Variants in NAV3 observed in about 807,000 individuals in gnomAD.
NAV3 encodes the protein neuron navigator 3, also known as pore membrane and/or filament interacting like protein 1.
Under a neutral mutation model 244.7 loss-of-function variants are expected in NAV3, and 87 were observed. The observed-to-expected ratio is 0.36, with a 90% CI of 0.30 to 0.42. NAV3 has a LOEUF of 0.42. Among genes scored for constraint, NAV3 ranks in the 20% least tolerant of loss-of-function variants. The pLI is 1.00. For missense variants in NAV3, 2,663 were observed against 2,893.3 expected (o/e 0.92, Z 1.83); for synonymous variants, 1,126 against 1,042.2 (o/e 1.08, Z -1.55).
At chr12:78,181,192 T>A in intron 30 of NAV3, 147 bp downstream of exon 30, 1 of 679,418 alleles carries the variant, frequency 1.5e-6, no homozygotes, top group Non-Finnish European at 2.3e-6. Context: ...ATAAATCTAG[T>A]CTACTTAGTT....
At chr12:77,701,639 G>A (rs1289701404) in intron 2 of NAV3, among the ~76,000 whole-genome samples, 1 of 151,642 alleles carries the variant, frequency 6.6e-6, no homozygotes, top group African/African-American at 2.4e-5. Flanking sequence ...TTCCATAAAC[G>A]CTATTTGAAC....
intron 25 of NAV3, 134 bp from the exon 26 acceptor site, chr12:78,176,305 T>G (rs1439823058): frequency 4.1e-6 from 3 of 728,714 alleles, no homozygotes; most frequent in Non-Finnish European, 6.3e-6. Context: ...AGGATTTTAC[T>G]GGAGTGCTTT....
chr12:77,860,733 T>C (rs1879138308), intron 1 of NAV3, among the ~76,000 whole-genome samples: 1 of 151,892 alleles, frequency 6.6e-6, no homozygotes, highest in Non-Finnish European at 1.5e-5. Flanking sequence ...AAATTTTAAA[T>C]AGAGCTCTGC....
intron 2 of NAV3, among the ~76,000 whole-genome samples, chr12:77,577,165 G>A (rs1869127146): frequency 6.6e-6 from 1 of 152,072 alleles, no homozygotes; most frequent in Non-Finnish European, 1.5e-5. Flanking sequence ...AGCATACTCG[G>A]ATGCAGATTA....
intron 15 of NAV3, among the ~76,000 whole-genome samples, chr12:78,120,503 C>G (rs1457376525): frequency 6.6e-6 from 1 of 152,120 alleles, no homozygotes; most frequent in Non-Finnish European, 1.5e-5. Context: ...TGAAACTATT[C>G]CAGTGTTTGG....
intron 2 of NAV3, among the ~76,000 whole-genome samples, chr12:77,775,146 C>A (rs1870287544): frequency 2.0e-5 from 3 of 152,094 alleles, no homozygotes; most frequent in Admixed American, 2.0e-4. Context: ...AATCCCAGCA[C>A]TTTCGGAGGC....
intron 2 of NAV3, among the ~76,000 whole-genome samples, chr12:77,825,618 C>T (rs11106871): frequency 0.45 from 68,284 of 151,824 alleles, 18,553 homozygotes; most frequent in Non-Finnish European, 0.59. Flanking sequence ...GTTGAAAGAA[C>T]GGAAAGATGA....
At chr12:77,603,856 T>C (rs1252466104) in intron 2 of NAV3, among the ~76,000 whole-genome samples, 1 of 152,038 alleles carries the variant, frequency 6.6e-6, no homozygotes, top group Non-Finnish European at 1.5e-5. Flanking sequence ...GCTTAAGTTA[T>C]AGGAGGGAGA....
At chr12:77,834,944 G>T (rs1240417842) in intron 1 of NAV3, among the ~76,000 whole-genome samples, 1 of 152,090 alleles carries the variant, frequency 6.6e-6, no homozygotes, top group Non-Finnish European at 1.5e-5. Flanking sequence ...TTATATTAGA[G>T]AGAATTAGAC....
chr12:77,824,214 C>T (rs1035736297), intron 2 of NAV3, among the ~76,000 whole-genome samples: 49 of 150,974 alleles, frequency 3.2e-4, no homozygotes, highest in Middle Eastern at 3.4e-3. Context: ...GCTGGGACTG[C>T]AGGCGCATGC....
intron 2 of NAV3, among the ~76,000 whole-genome samples, chr12:77,721,497 A>G (rs1241386201): frequency 6.6e-6 from 1 of 152,176 alleles, no homozygotes; most frequent in Non-Finnish European, 1.5e-5. Context: ...ATATGCTGAG[A>G]ACCTGAAAAT....
At chr12:78,151,394 T>C (rs1957075829) in intron 22 of NAV3, among the ~76,000 whole-genome samples, 1 of 152,040 alleles carries the variant, frequency 6.6e-6, no homozygotes, top group Non-Finnish European at 1.5e-5. Context: ...TATCCCTTAA[T>C]AGGCCAGTTA....
intron 1 of NAV3, among the ~76,000 whole-genome samples, chr12:77,897,939 C>T (rs76551200): frequency 0.076 from 11,541 of 152,200 alleles, 559 homozygotes; most frequent in Non-Finnish European, 0.1. Context: ...TGGTTGGCCT[C>T]CCAGCTAAAC....
intron 2 of NAV3, among the ~76,000 whole-genome samples, chr12:77,667,851 C>T (rs567464970): frequency 9.2e-5 from 14 of 152,268 alleles, no homozygotes; most frequent in Non-Finnish European, 1.9e-4. Context: ...CAACACAAAA[C>T]TGGTGCACTA....
At chr12:78,143,693 CTGTGAAATAT>C (rs1276734010) in intron 20 of NAV3, among the ~76,000 whole-genome samples, 1 of 150,634 alleles carries the variant, frequency 6.6e-6, no homozygotes, top group Non-Finnish European at 1.5e-5. Flanking sequence ...TAAGCCAACA[CTGTGAAATAT>C]TGTGAAATAT....
chr12:77,587,760 A>G (rs1278084348), intron 2 of NAV3, among the ~76,000 whole-genome samples: 3 of 152,234 alleles, frequency 2.0e-5, no homozygotes, highest in African/African-American at 7.2e-5. Flanking sequence ...TTAATTTGCC[A>G]GGAATGTTAA....
At chr12:77,661,198 G>T (rs1377741998) in intron 2 of NAV3, among the ~76,000 whole-genome samples, 1 of 152,088 alleles carries the variant, frequency 6.6e-6, no homozygotes, top group Non-Finnish European at 1.5e-5. Context: ...TTACATTCCC[G>T]CCAGCCATGT....
chr12:77,926,918 G>T (rs1888282237), intron 1 of NAV3, among the ~76,000 whole-genome samples: 1 of 152,200 alleles, frequency 6.6e-6, no homozygotes, highest in African/African-American at 2.4e-5. Flanking sequence ...ACTCTGAACT[G>T]CTAAGGCTTA....
In NAV3 at chr12:78,159,231, G is replaced by A; in HGVS notation, c.4814G>A (p.Ser1605Asn). The change falls in exon 23 of 40, where the codon AGC (serine) becomes AAC (asparagine). Residue 1605 changes from serine to asparagine, a missense_variant. Ser to Asn is a conservative substitution (Grantham distance 46). This residue lies in a region of NAV3 where 48 missense variants were observed against 90.0 expected (regional missense o/e 0.53). Transcript: ENST00000397909. ...NAHLVAAFEKSLGNMTGRLQS... is the reference protein window; with the variant it reads ...NAHLVAAFEKNLGNMTGRLQS... ...CACCTTGTAGCAGCTTTTGAAAAGAGCTTAGGGAATATGACTGGCCGATTG... is the reference window on the plus strand; with the variant it reads ...CACCTTGTAGCAGCTTTTGAAAAGAACTTAGGGAATATGACTGGCCGATTG... 6.2e-7 allele frequency: 1 copy of A among 1,613,320 alleles called. No homozygotes were observed. The highest frequency in any genetic ancestry group is 1.1e-5 in the South Asian group (1 of 91,022).
Sources: allele counts gnomAD v4.1 joint callset (sites outside exome capture counted in the v4.1 genomes callset), GRCh38; gene constraint gnomAD v4.1.1; regional missense constraint gnomAD v4.1.1; transcripts MANE v1.5; gene names NCBI Gene and HGNC (gene_info 2026-07-23, HGNC 2026-07-21).